MAGI3: variants seen among roughly 807,000 people sequenced by gnomAD.
MAGI3 encodes membrane-associated guanylate kinase, WW and PDZ domain-containing protein 3.
In MAGI3, 43 loss-of-function variants were observed where a neutral mutation model predicts 121.8. The ratio of observed to expected loss-of-function variants is 0.35; its 90% CI spans 0.28 to 0.46. The LOEUF (loss-of-function observed/expected upper bound fraction) is 0.46, where lower values mean the gene tolerates loss of function less well. Among genes scored for constraint, MAGI3 ranks in the 20% least tolerant of loss-of-function variants. MAGI3 has a pLI of 1.00. For missense variants in MAGI3, 1,547 were observed against 1,797.3 expected, an observed-to-expected ratio of 0.86 and a Z score of 2.52; for synonymous variants, 553 against 639.3, an observed-to-expected ratio of 0.86 and a Z score of 2.04.
rs1309940258 is a variant in MAGI3, at chr1:113,685,917, A to T, written c.*1903A>T. 1.3e-5 allele frequency: 2 copies of T among 152,294 alleles called. No homozygotes were observed. 9.4% of individuals were successfully genotyped at this position (152,294 alleles called of 1,614,324 possible). On this transcript the variant is annotated 3_prime_UTR_variant, in exon 21 of 21. Coordinates refer to ENST00000307546, the MANE Select transcript of MAGI3 (RefSeq NM_001142782.2). ...ATTATTTTTTATATAGATATTTAAA[A>T]AAAACAGTTTATGGCCTGCATTTCT...
At chr1:113,680,523 T>C (rs887041918) in intron 19 of MAGI3, among the ~76,000 whole-genome samples, 12 of 152,072 alleles carry the variant, frequency 7.9e-5, no homozygotes, top group Non-Finnish European at 1.5e-4. Flanking sequence ...TTTAGGAGGC[T>C]GAGGCGGGCG....
chr1:113,547,452 T>TAA, intron 1 of MAGI3, among the ~76,000 whole-genome samples: 2 of 152,178 alleles, frequency 1.3e-5, no homozygotes, highest in Non-Finnish European at 2.9e-5. Flanking sequence ...TATGTTGTTT[T>TAA]TAAGTGGGGG....
chr1:113,446,475 A>G (rs1393698105), intron 1 of MAGI3, among the ~76,000 whole-genome samples: 1 of 152,236 alleles, frequency 6.6e-6, no homozygotes, highest in Non-Finnish European at 1.5e-5. Flanking sequence ...GAAATGATGG[A>G]CAAAAATGTA....
intron 6 of MAGI3, among the ~76,000 whole-genome samples, chr1:113,605,923 G>T (rs142595875): frequency 0.013 from 2,017 of 151,346 alleles, 18 homozygotes; most frequent in Middle Eastern, 0.018. Context: ...CATTAAAAGG[G>T]CACTTAAGAG....
At chr1:113,678,432 G>C (rs1046198902) in intron 19 of MAGI3, among the ~76,000 whole-genome samples, 7 of 152,096 alleles carry the variant, frequency 4.6e-5, no homozygotes, top group African/African-American at 1.7e-4. Context: ...CCATCCTGCT[G>C]TCTTACTTTG....
Position 113,391,016 on chromosome 1 carries a change from G to T in MAGI3, c.-18G>T. 6.4e-7 allele frequency: 1 copy of T among 1,555,980 alleles called. No individual in the cohort carries two copies. The highest frequency in any genetic ancestry group is 8.7e-7 in the Non-Finnish European group (1 of 1,154,108). On this transcript the variant is annotated 5_prime_UTR_variant, in exon 1 of 21. It removes an upstream start codon present in the reference 5' UTR. Transcript: ENST00000307546. The surrounding 1 kb of genome is among the most constrained non-coding windows in gnomAD (Gnocchi z 4.4). Reference sequence around the variant, plus strand: ...GCCGCCCGCGCGGGGTCTCCCCCATGGTGCAGCGGGGTTCGGGATGTCGAA... The same window carrying T: ...GCCGCCCGCGCGGGGTCTCCCCCATTGTGCAGCGGGGTTCGGGATGTCGAA...
intron 1 of MAGI3, among the ~76,000 whole-genome samples, chr1:113,478,543 G>C (rs960044273): frequency 6.6e-6 from 1 of 152,186 alleles, no homozygotes. Context: ...GTTTGCCTGG[G>C]TATCACCAGC....
intron 9 of MAGI3, among the ~76,000 whole-genome samples, chr1:113,634,315 C>T (rs1651861731): frequency 3.3e-5 from 5 of 151,898 alleles, no homozygotes. Flanking sequence ...CTTGCCCATG[C>T]CTATGTCCTG....
At chr1:113,416,419 AT>A (rs1373683302) in intron 1 of MAGI3, among the ~76,000 whole-genome samples, 1 of 13,510 alleles carries the variant, frequency 7.4e-5, no homozygotes, top group Non-Finnish European at 1.8e-4. Flanking sequence ...ATAATTAATA[AT>A]TAATAATATA....
chr1:113,641,866 T>C (rs778589888), intron 9 of MAGI3, 45 bp from the exon 10 acceptor site: 3 of 1,503,806 alleles, frequency 2.0e-6, no homozygotes, highest in Non-Finnish European at 1.8e-6. Flanking sequence ...AAAAATTAAC[T>C]TATTTGTTGA....
rs1413869076 is a variant in MAGI3, at chr1:113,536,839, G to A, written c.317-12676G>A. Among the ~76,000 whole-genome samples the A allele has an allele frequency of 2.0e-5, 3 of 152,098 alleles. No homozygotes were observed. In the South Asian group the frequency reaches 6.2e-4, roughly 32 times the overall value. On this transcript the variant is annotated intron_variant, in intron 1 of 20. Coordinates refer to ENST00000307546, the MANE Select transcript of MAGI3 (RefSeq NM_001142782.2). Reference sequence around the variant, plus strand: ...ATATTGAAAAACTCTTCATATATATGGGTTTGTACAGTGAATCTCAAATCC... The same window carrying A: ...ATATTGAAAAACTCTTCATATATATAGGTTTGTACAGTGAATCTCAAATCC...
chr1:113,564,369 A>C (rs183263096), intron 2 of MAGI3, among the ~76,000 whole-genome samples: 28 of 152,338 alleles, frequency 1.8e-4, no homozygotes, highest in African/African-American at 6.0e-4. Flanking sequence ...TGACTGCTGC[A>C]CTTGACTGTT....
chr1:113,544,109 A>G (rs922228506), intron 1 of MAGI3, among the ~76,000 whole-genome samples: 2 of 152,188 alleles, frequency 1.3e-5, no homozygotes, highest in African/African-American at 4.8e-5. Flanking sequence ...AAATACTTTT[A>G]TTTTTACAAA....
chr1:113,416,074 T>G (rs555854766), intron 1 of MAGI3, among the ~76,000 whole-genome samples: 2,883 of 140,278 alleles, frequency 0.021, 11 homozygotes, highest in Non-Finnish European at 0.034. Flanking sequence ...ATTATGTAAT[T>G]AATGACACAT....
rs193132694 is a variant in MAGI3, at chr1:113,466,050, A to T, written c.316+74701A>T. 4.0e-3 allele frequency among the ~76,000 whole-genome samples: 602 copies of T among 152,258 alleles called. 4 individuals carry two copies. Among genetic ancestry groups the T allele is most frequent in the African/African-American group, 0.014 (571 of 41,570 alleles). On this transcript the variant is annotated intron_variant, in intron 1 of 20. Coordinates refer to ENST00000307546, the MANE Select transcript of MAGI3 (RefSeq NM_001142782.2). Reference sequence around the variant, plus strand: ...AGATTAAGTGGTATACAAGTGGTGAAAATGGATATCCTTGTCTTGTTTCAG... The same window carrying T: ...AGATTAAGTGGTATACAAGTGGTGATAATGGATATCCTTGTCTTGTTTCAG...
intron 6 of MAGI3, among the ~76,000 whole-genome samples, chr1:113,599,636 A>G (rs911189307): frequency 1.9e-4 from 29 of 151,634 alleles, no homozygotes; most frequent in Admixed American, 7.2e-4. Context: ...GAATTCTACC[A>G]GAGGTACAAG....
chr1:113,443,337 A>G (rs1166604110), intron 1 of MAGI3, among the ~76,000 whole-genome samples: 1 of 152,184 alleles, frequency 6.6e-6, no homozygotes, highest in Non-Finnish European at 1.5e-5. Flanking sequence ...CTTGAAGACT[A>G]GCAGGAAGCT....
At chr1:113,607,824 C>A (rs1477808809) in intron 6 of MAGI3, among the ~76,000 whole-genome samples, 1 of 152,120 alleles carries the variant, frequency 6.6e-6, no homozygotes, top group East Asian at 1.9e-4. Flanking sequence ...AGTCCAGACT[C>A]CTTGGTTAAG....
chr1:113,563,987 C>T (rs1660339139), intron 2 of MAGI3, among the ~76,000 whole-genome samples: 1 of 152,184 alleles, frequency 6.6e-6, no homozygotes, highest in Non-Finnish European at 1.5e-5. Flanking sequence ...TTTAAATATT[C>T]TCCCTCAGCT....
Sources: allele counts gnomAD v4.1 joint callset (sites outside exome capture counted in the v4.1 genomes callset), GRCh38; gene constraint gnomAD v4.1.1; non-coding constraint Gnocchi (gnomAD v3.1); transcripts MANE v1.5; gene names NCBI Gene and HGNC (gene_info 2026-07-23, HGNC 2026-07-21).